KCNIP4: variants seen among roughly 807,000 people sequenced by gnomAD.
KCNIP4 encodes the protein potassium voltage-gated channel interacting protein 4, also known as Kv channel-interacting protein 4.
In KCNIP4, 12 loss-of-function variants were observed where a neutral mutation model predicts 34.0. That is an observed-to-expected ratio of 0.35 (90% CI 0.23 to 0.57). KCNIP4 has a LOEUF of 0.57. KCNIP4 is among the 20% of genes least tolerant of loss of function. The pLI is 0.83. For synonymous variants in KCNIP4, 124 were observed against 102.2 expected (o/e 1.21, Z -1.29); for missense variants, 238 against 311.7 (o/e 0.76, Z 1.78).
At chr4:21,632,396 C>T (rs13131619) in intron 1 of KCNIP4, among the ~76,000 whole-genome samples, 116,722 of 151,608 alleles carry the variant, frequency 0.77, 45,749 homozygotes, top group African/African-American at 0.92. Context: ...GTATTTTTCA[C>T]TTGTTTTTTT....
intron 1 of KCNIP4, among the ~76,000 whole-genome samples, chr4:21,760,854 C>A (rs1357979578): frequency 6.6e-6 from 1 of 152,110 alleles, no homozygotes; most frequent in Non-Finnish European, 1.5e-5. Context: ...TATAGCAAGA[C>A]CAGCATGGAA....
intron 1 of KCNIP4, among the ~76,000 whole-genome samples, chr4:20,916,989 A>T (rs867482030): frequency 1.0e-3 from 2 of 2,000 alleles, no homozygotes; most frequent in Admixed American, 6.4e-3. Context: ...TTATGTTTAT[A>T]TATATATATA....
intron 1 of KCNIP4, among the ~76,000 whole-genome samples, chr4:21,012,624 TC>T (rs145586615): frequency 0.03 from 4,555 of 152,216 alleles, 115 homozygotes; most frequent in Non-Finnish European, 0.042. Context: ...CATTAGATTC[TC>T]CAGATATATG....
intron 1 of KCNIP4, among the ~76,000 whole-genome samples, chr4:21,540,201 A>G (rs1000560849): frequency 2.6e-5 from 4 of 152,128 alleles, no homozygotes; most frequent in Admixed American, 1.3e-4. Context: ...ATATTTCTGT[A>G]TGAATCCTAG....
At chr4:21,332,258 A>G (rs1715720408) in intron 1 of KCNIP4, among the ~76,000 whole-genome samples, 1 of 151,990 alleles carries the variant, frequency 6.6e-6, no homozygotes, top group African/African-American at 2.4e-5. Flanking sequence ...GCTAATTAAT[A>G]TGGTATATTA....
At chr4:21,637,782 TC>T (rs1329680468) in intron 1 of KCNIP4, among the ~76,000 whole-genome samples, 402 of 34,708 alleles carry the variant, frequency 0.012, 4 homozygotes, top group African/African-American at 0.058. Flanking sequence ...AAAGTCCGTC[TC>T]AAAAAAAAAA....
chr4:20,884,627 C>G (rs1402793334), intron 1 of KCNIP4, among the ~76,000 whole-genome samples: 1 of 151,980 alleles, frequency 6.6e-6, no homozygotes, highest in Non-Finnish European at 1.5e-5. Flanking sequence ...CCATTTCAAA[C>G]CTCCGTGCCA....
intron 1 of KCNIP4, among the ~76,000 whole-genome samples, chr4:21,213,850 A>G (rs1037277955): frequency 1.3e-5 from 2 of 152,176 alleles, no homozygotes; most frequent in Non-Finnish European, 2.9e-5. Context: ...GTCTCCCAGG[A>G]TGGAGTCAGC....
chr4:21,091,877 T>G (rs1405369715), intron 1 of KCNIP4, among the ~76,000 whole-genome samples: 1 of 152,156 alleles, frequency 6.6e-6, no homozygotes, highest in Admixed American at 6.5e-5. Context: ...ACATTGAAGG[T>G]TTGATTTCAA....
intron 1 of KCNIP4, among the ~76,000 whole-genome samples, chr4:21,314,839 GA>G (rs1578066072): frequency 1.3e-5 from 2 of 152,168 alleles, no homozygotes; most frequent in East Asian, 3.9e-4. Flanking sequence ...AAAGGATAAA[GA>G]GTACCATATT....
intron 1 of KCNIP4, among the ~76,000 whole-genome samples, chr4:21,495,600 T>G (rs1025462377): frequency 6.6e-6 from 1 of 152,104 alleles, no homozygotes; most frequent in Non-Finnish European, 1.5e-5. Flanking sequence ...TTTTTTTTTT[T>G]CTGTTACAGA....
At chr4:21,303,746 C>G (rs545092667) in intron 1 of KCNIP4, 1 of 1,378,616 alleles carries the variant, frequency 7.3e-7, no homozygotes, top group Non-Finnish European at 1.0e-6. Context: ...TTACATTCAC[C>G]TAAGACATTT....
At chr4:21,760,541 T>C (rs1717978580) in intron 1 of KCNIP4, among the ~76,000 whole-genome samples, 1 of 152,092 alleles carries the variant, frequency 6.6e-6, no homozygotes, top group African/African-American at 2.4e-5. Context: ...TTGTGTTCTA[T>C]TGGCAGCATG....
chr4:21,376,231 G>A (rs1271814660), intron 1 of KCNIP4, among the ~76,000 whole-genome samples: 1 of 152,136 alleles, frequency 6.6e-6, no homozygotes, highest in Non-Finnish European at 1.5e-5. Context: ...GCAAAATTTT[G>A]TGAAACCTAA....
At chr4:21,274,610 G>A (rs1312455958) in intron 1 of KCNIP4, among the ~76,000 whole-genome samples, 2 of 152,162 alleles carry the variant, frequency 1.3e-5, no homozygotes, top group African/African-American at 4.8e-5. Flanking sequence ...GAACTGTAAT[G>A]CTGTCAATTC....
At chr4:21,520,378 A>G (rs1735422551) in intron 1 of KCNIP4, among the ~76,000 whole-genome samples, 1 of 152,168 alleles carries the variant, frequency 6.6e-6, no homozygotes, top group Non-Finnish European at 1.5e-5. Context: ...TTTGTCGTTT[A>G]AGCCACCAGG....
At chr4:21,363,044 A>C (rs2109412225) in intron 1 of KCNIP4, among the ~76,000 whole-genome samples, 1 of 152,272 alleles carries the variant, frequency 6.6e-6, no homozygotes, top group South Asian at 2.1e-4. Context: ...GAATTCTCAT[A>C]GTTGCTTTTG....
intron 1 of KCNIP4, among the ~76,000 whole-genome samples, chr4:21,281,587 G>C (rs537935779): frequency 8.7e-4 from 132 of 152,206 alleles, no homozygotes; most frequent in Non-Finnish European, 1.5e-3. Flanking sequence ...GTGATTAAGT[G>C]GTCTCTTTGC....
chr4:21,177,812 C>T (rs1385997850), intron 1 of KCNIP4, among the ~76,000 whole-genome samples: 4 of 150,220 alleles, frequency 2.7e-5, no homozygotes, highest in South Asian at 4.2e-4. Context: ...CATGCCATTG[C>T]ACTCCAGGCT....
Sources: gnomAD v4.1 joint callset for allele counts (sites outside exome capture counted in the v4.1 genomes callset) on GRCh38, gnomAD v4.1.1 for gene constraint, MANE v1.5 for transcripts, NCBI Gene and HGNC (gene_info 2026-07-23, HGNC 2026-07-21) for gene names.